The following RHOT2 variants were observed in gnomAD, a reference collection of about 807,000 sequenced individuals.
The protein encoded by RHOT2 is mitochondrial Rho GTPase 2.
RHOT2 carries 90 observed loss-of-function variants against 81.6 expected under a neutral mutation model. The ratio of observed to expected loss-of-function variants is 1.10; its 90% CI spans 0.93 to 1.31. The LOEUF (loss-of-function observed/expected upper bound fraction) is 1.31. Among genes scored for constraint, RHOT2 ranks in the 40% most tolerant of loss-of-function variants. RHOT2 has a pLI of 0.00. For synonymous variants in RHOT2, 512 were observed against 370.9 expected, an observed-to-expected ratio of 1.38 and a Z score of -4.37; for missense variants, 1,014 against 841.9, an observed-to-expected ratio of 1.20 and a Z score of -2.53.
Position 670,516 on chromosome 16 carries a change from C to G in RHOT2, c.499C>G (p.Leu167Val). 1 of 1,608,542 alleles carries G rather than the reference C, an allele frequency of 6.2e-7. No individual in the cohort carries two copies. The highest frequency in any genetic ancestry group is 8.5e-7 in the Non-Finnish European group (1 of 1,177,662). The change falls in exon 8 of 19, where the codon CTG becomes GTG. Residue 167 changes from leucine to valine, a missense_variant. Physicochemically the swap from Leu to Val is conservative, Grantham distance 32. Coordinates refer to ENST00000315082, the MANE Select transcript of RHOT2 (RefSeq NM_138769.3). ...ELFYYAQKAV[L>V]HPTAPLYDPE... ...GTTCTACTACGCCCAGAAGGCCGTC[C>G]TGCATCCCACAGCCCCCCTCTATGA... is the stretch of plus-strand genomic sequence containing the variant.
intron 6 of RHOT2, 33 bp downstream of exon 6, chr16:670,208 C>G (rs775686731): frequency 4.3e-6 from 7 of 1,611,458 alleles, no homozygotes; most frequent in South Asian, 2.2e-5. Flanking sequence ...GCTGGGACCC[C>G]TGGCTCCCCT....
In RHOT2 at chr16:672,734, C is replaced by T. The variant is rs199749466; in HGVS notation, c.1436C>T (p.Ala479Val). Residue 479 changes from alanine to valine, a missense_variant, in exon 17 of 19, where the codon GCC becomes GTC. By Grantham distance (64) the Ala-to-Val change is moderately conservative. Transcript: ENST00000315082. ...LCEVGTDGLLATSLDATCDVA... is the reference protein window; with the variant it reads ...LCEVGTDGLLVTSLDATCDVA... ...GAGGTGGGCACAGATGGTCTGCTGG[C>T]CACATCGCTGGACGCCACCTGTGAC... 69 of 1,612,502 alleles carry T rather than the reference C, an allele frequency of 4.3e-5. No homozygotes were observed. The East Asian group carries it at 1.5e-3, about 35-fold the overall frequency.
Position 668,424 on chromosome 16 carries a change from C to T in RHOT2, c.96+13C>T, listed in dbSNP as rs769490362. On this transcript the variant is annotated intron_variant, in intron 2 of 18. Coordinates refer to ENST00000315082, the MANE Select transcript of RHOT2 (RefSeq NM_138769.3). ...GTTCCCCGAGGAGGTAAGGGGCACG[C>T]CCGCCGCGGGGGTGGGAGCGGGCCC... 7.1e-6 allele frequency: 11 copies of T among 1,539,234 alleles called. No individual in the cohort carries two copies. The Admixed American group carries it at 7.9e-5, about 11-fold the overall frequency.
At chr16:668,765 TG>T in intron 4 of RHOT2, 66 bp downstream of exon 4, 1 of 1,491,218 alleles carries the variant, frequency 6.7e-7, no homozygotes. Context: ...CTTCGCAGCC[TG>T]GGGGATTGGA....
chr16:669,345 C>T, intron 4 of RHOT2: 1 of 600,672 alleles, frequency 1.7e-6, no homozygotes, highest in African/African-American at 1.9e-5. Context: ...CAGCAGCTCC[C>T]AGTGTGACAC....
intron 4 of RHOT2, chr16:668,968 T>C (rs2038417103): frequency 1.9e-6 from 1 of 525,264 alleles, no homozygotes. Context: ...GCTCTTCCTG[T>C]GGGCTCTGTG....
At position 674,160 on chromosome 16, in the gene RHOT2, T is replaced by G. The variant is rs1413306622; in HGVS notation, c.*554T>G. On this transcript the variant is annotated 3_prime_UTR_variant, in exon 19 of 19. Coordinates refer to ENST00000315082, the MANE Select transcript of RHOT2 (RefSeq NM_138769.3). The stretch of plus-strand genomic sequence containing the variant: ...CCCAGTCTCTGAAGACAACTTGCTT[T>G]GATTCAACCTAGAATGTGTTGTTTG... 5 of 214,394 alleles carry G rather than the reference T, an allele frequency of 2.3e-5. No individual in the cohort carries two copies. The highest frequency in any genetic ancestry group is 4.8e-5 in the Non-Finnish European group (5 of 103,424). The allele number at this position is 214,394 out of a possible 1,614,324, so 13.3% of individuals were successfully genotyped here. A position where few individuals can be genotyped will look rare whatever the true frequency, so the allele number is the denominator to read the frequency against.
Position 668,990 on chromosome 16 carries a change from C to T in RHOT2, c.222+291C>T, listed in dbSNP as rs1469422196. The T allele has an allele frequency of 1.8e-5, 9 of 507,638 alleles. No homozygotes were observed. In the East Asian group the frequency reaches 2.4e-4, roughly 14 times the overall value. 31.4% of individuals were successfully genotyped at this position (507,638 alleles called of 1,614,324 possible). Reference sequence around the variant, plus strand: ...CTGTGGGCTCTGTGTGCGCCACGTCCCCGTGCTGTGTGCTCCAGCCCACCG... The same window carrying T: ...CTGTGGGCTCTGTGTGCGCCACGTCTCCGTGCTGTGTGCTCCAGCCCACCG... On this transcript the variant is annotated intron_variant, in intron 4 of 18. Coordinates refer to ENST00000315082, the MANE Select transcript of RHOT2 (RefSeq NM_138769.3).
Position 672,735 on chromosome 16 carries a change from C to G in RHOT2, c.1437C>G (p.Ala479=). The G allele has an allele frequency of 1.2e-6, 2 of 1,612,550 alleles. No homozygotes were observed. The highest frequency in any genetic ancestry group is 1.7e-6 in the Non-Finnish European group (2 of 1,179,992). ...LCEVGTDGLL[A]TSLDATCDVA... is the part of the protein sequence containing the mutation. ...AGGTGGGCACAGATGGTCTGCTGGC[C>G]ACATCGCTGGACGCCACCTGTGACG... Residue 479 remains alanine (A), a synonymous_variant, in exon 17 of 19, where the codon GCC becomes GCG. Transcript: ENST00000315082.
rs762277749 is a variant in RHOT2, at chr16:672,780, T to C, written c.1482T>C (p.Asp494=). The C allele has an allele frequency of 1.1e-5, 18 of 1,612,622 alleles. No homozygotes were observed. The Admixed American group carries it at 2.5e-4, about 22-fold the overall frequency. Residue 494 remains aspartate (D), a synonymous_variant, in exon 17 of 19, where the codon GAT becomes GAC. Transcript: ENST00000315082. ...ATCDVACLMF[D]GSDPKSFAHC... Reference sequence around the variant, plus strand: ...GTGACGTTGCCTGCTTGATGTTTGATGGCAGTGACCCAAAGTCCTTTGCAC... The same window carrying C: ...GTGACGTTGCCTGCTTGATGTTTGACGGCAGTGACCCAAAGTCCTTTGCAC...
intron 8 of RHOT2, 52 bp from the exon 9 acceptor site, chr16:670,623 T>C: frequency 6.2e-7 from 1 of 1,602,146 alleles, no homozygotes; most frequent in Non-Finnish European, 8.5e-7. Context: ...GGTGGGGCGG[T>C]GTGGCAGGTC....
In RHOT2 at chr16:668,498, G is replaced by T. The variant is rs747656297; in HGVS notation, c.107G>T (p.Arg36Leu). 3 of 1,607,548 alleles carry T rather than the reference G, an allele frequency of 1.9e-6. No homozygotes were observed. The South Asian group carries it at 3.3e-5, about 18-fold the overall frequency. Residue 36 changes from arginine to leucine, a missense_variant, in exon 3 of 19, where the codon CGC (arginine) becomes CTC (leucine). Arg to Leu is a moderately radical substitution (Grantham distance 102, BLOSUM62 -2). Coordinates refer to ENST00000315082, the MANE Select transcript of RHOT2 (RefSeq NM_138769.3). ...GCGGGTCCCTTGCAGGTCCCTCCCC[G>T]CGCGGAGGAGATCACCATCCCCGCG... ...GEEFPEEVPP[R>L]AEEITIPADV...
chr16:671,095 T>A lies in RHOT2; in HGVS notation c.761T>A (p.Leu254Gln). 1.2e-6 allele frequency: 2 copies of A among 1,609,078 alleles called. No individual in the cohort carries two copies. The highest frequency in any genetic ancestry group is 1.7e-6 in the Non-Finnish European group (2 of 1,179,656). ...DRLTLDGFLF[L>Q]NTLFIQRGRH... ...TGTCTCGGTGCAGGTTTCCTCTTCC[T>A]GAACACGCTCTTCATCCAGCGCGGC... Residue 254 changes from leucine (L) to glutamine (Q), a missense_variant, in exon 11 of 19, where the codon CTG (leucine) becomes CAG (glutamine). Coordinates refer to ENST00000315082, the MANE Select transcript of RHOT2 (RefSeq NM_138769.3).
Position 672,812 on chromosome 16 carries a change from C to G in RHOT2, c.1514C>G (p.Ala505Gly). 1 of 1,612,582 alleles carries G rather than the reference C, an allele frequency of 6.2e-7. No homozygotes were observed. Among genetic ancestry groups the G allele is most frequent in the South Asian group, 1.1e-5 (1 of 91,088 alleles). ...GSDPKSFAHC[A>G]SVYKHHYMDG... ...GACCCAAAGTCCTTTGCACATTGTG[C>G]CAGCGTCTACAAGGTGGGGCCCTGC... Residue 505 changes from alanine (A) to glycine (G), a missense_variant, in exon 17 of 19, where the codon GCC becomes GGC. Coordinates refer to ENST00000315082, the MANE Select transcript of RHOT2 (RefSeq NM_138769.3).
In RHOT2 at chr16:673,550, G is replaced by A. The variant is rs777005722; in HGVS notation, c.1801G>A (p.Ala601Thr). Residue 601 changes from alanine to threonine, a missense_variant, in exon 19 of 19, where the codon GCC (alanine) becomes ACC (threonine). By Grantham distance (58) the Ala-to-Thr change is moderately conservative. Transcript: ENST00000315082. ...LRGLLGVVGA[A>T]VAAVLSFSLY... is the part of the protein sequence containing the mutation. The stretch of plus-strand genomic sequence containing the variant: ...GGGGCTGCTGGGGGTTGTCGGGGCC[G>A]CCGTGGCCGCAGTCCTCAGCTTCTC... 15 of 1,612,088 alleles carry A rather than the reference G, an allele frequency of 9.3e-6. No homozygotes were observed. Among genetic ancestry groups the A allele is most frequent in the Admixed American group, 3.3e-5 (2 of 59,960 alleles).
chr16:669,676 C>A, intron 5 of RHOT2, 70 bp downstream of exon 5: 1 of 1,500,574 alleles, frequency 6.7e-7, no homozygotes. Flanking sequence ...GACCTTCACC[C>A]AACCCGTGGC....
chr16:671,750 T>C lies in RHOT2; in HGVS notation c.923T>C (p.Phe308Ser). The C allele has an allele frequency of 6.2e-7, 1 of 1,612,458 alleles. No individual in the cohort carries two copies. The highest frequency in any genetic ancestry group is 8.5e-7 in the Non-Finnish European group (1 of 1,179,788). ...STELNHLGYQ[F>S]VQRVFEKHDQ... is the part of the protein sequence containing the mutation. The stretch of plus-strand genomic sequence containing the variant: ...GAGCTCAACCACCTTGGCTACCAGT[T>C]TGTGCAGAGAGTGTTTGAGAAGCAC... The change falls in exon 12 of 19, where the codon TTT becomes TCT. Residue 308 changes from phenylalanine to serine, a missense_variant. By Grantham distance (155) the Phe-to-Ser change is radical. Coordinates refer to ENST00000315082, the MANE Select transcript of RHOT2 (RefSeq NM_138769.3).
rs184308984 is a variant in RHOT2, at chr16:672,765, C to T, written c.1467C>T (p.Ala489=). ...CGCTGGACGCCACCTGTGACGTTGC[C>T]TGCTTGATGTTTGATGGCAGTGACC... ...ATSLDATCDV[A]CLMFDGSDPK... is the part of the protein sequence containing the mutation. The change falls in exon 17 of 19, where the codon GCC becomes GCT. Residue 489 remains alanine, a synonymous_variant. Coordinates refer to ENST00000315082, the MANE Select transcript of RHOT2 (RefSeq NM_138769.3). 3 of 1,612,602 alleles carry T rather than the reference C, an allele frequency of 1.9e-6. No homozygotes were observed. The highest frequency in any genetic ancestry group is 1.7e-5 in the Admixed American group (1 of 60,008).
At position 671,148 on chromosome 16, in the gene RHOT2, C is replaced by T. The variant is rs371827803; in HGVS notation, c.814C>T (p.Arg272Trp). ...GCACGAGACCACCTGGACCATCCTG[C>T]GGCGCTTCGGCTACAGCGATGCCCT... Reference protein sequence around the residue: ...GRHETTWTILRRFGYSDALEL... With the variant: ...GRHETTWTILWRFGYSDALEL... The change falls in exon 11 of 19, where the codon CGG becomes TGG. Residue 272 changes from arginine to tryptophan, a missense_variant. Physicochemically the swap from Arg to Trp is moderately radical, Grantham distance 101. Coordinates refer to ENST00000315082, the MANE Select transcript of RHOT2 (RefSeq NM_138769.3). 6.3e-6 allele frequency: 10 copies of T among 1,598,870 alleles called. No homozygotes were observed. The highest frequency in any genetic ancestry group is 4.5e-5 in the East Asian group (2 of 44,752).
Sources: allele counts gnomAD v4.1 joint callset, GRCh38; gene constraint gnomAD v4.1.1; transcripts MANE v1.5; gene names NCBI Gene and HGNC (gene_info 2026-07-23, HGNC 2026-07-21).